The following IL1RAPL2 variants were observed in gnomAD, a reference collection of about 807,000 sequenced individuals.
IL1RAPL2 encodes interleukin 1 receptor accessory protein like 2.
Under a neutral mutation model 44.1 loss-of-function variants are expected in IL1RAPL2, and 3 were observed. The observed-to-expected ratio is 0.07, with a 90% confidence interval of 0.03 to 0.18. The LOEUF (loss-of-function observed/expected upper bound fraction) is 0.18, where lower values mean the gene tolerates loss of function less well. IL1RAPL2 is among the 10% of genes least tolerant of loss of function. The pLI is 1.00. For synonymous variants in IL1RAPL2, 181 were observed against 178.8 expected (o/e 1.01, Z -0.10); for missense variants, 391 against 496.4 (o/e 0.79, Z 2.02).
intron 5 of IL1RAPL2, among the ~76,000 whole-genome samples, chrX:105,348,001 G>A (rs1227748178): frequency 1.8e-5 from 2 of 111,778 alleles, no homozygotes; most frequent in East Asian, 2.8e-4. Context: ...CTCTTCATTA[G>A]TTTGACTCAT....
chrX:104,689,095 C>T (rs1431025518), intron 2 of IL1RAPL2, among the ~76,000 whole-genome samples: 1 of 111,665 alleles, frequency 9.0e-6, no homozygotes, highest in African/African-American at 3.3e-5. Flanking sequence ...ATCCAAAAAC[C>T]AACGTATAAG....
At chrX:105,272,026 G>A (rs1341300300) in intron 5 of IL1RAPL2, among the ~76,000 whole-genome samples, 4 of 106,115 alleles carry the variant, frequency 3.8e-5, no homozygotes, top group African/African-American at 6.9e-5. Flanking sequence ...GTAAACTATC[G>A]CAAGAACAAA....
rs777428370 is a variant in IL1RAPL2, at chrX:105,013,600, A to G, written c.83-181875A>G. ...GCTTGCTGGTATGGGTGAGGAAACT[A>G]AAGAGGCTTCTGGAGAGCAGTGCTC... On this transcript the variant is annotated intron_variant, in intron 2 of 10. Coordinates refer to ENST00000372582, the MANE Select transcript of IL1RAPL2 (RefSeq NM_017416.2). Among the ~76,000 whole-genome samples the G allele has an allele frequency of 3.4e-4, 38 of 110,498 alleles. No individual in the cohort carries two copies. The South Asian group carries it at 0.015, about 43-fold the overall frequency.
chrX:104,637,856 G>T (rs777597750), intron 1 of IL1RAPL2, among the ~76,000 whole-genome samples: 8 of 108,496 alleles, frequency 7.4e-5, no homozygotes, highest in African/African-American at 2.7e-4. Flanking sequence ...ATATGGTTTT[G>T]GTATCAGAGT....
intron 2 of IL1RAPL2, among the ~76,000 whole-genome samples, chrX:104,729,141 A>G (rs913226380): frequency 9.0e-6 from 1 of 111,679 alleles, no homozygotes; most frequent in African/African-American, 3.2e-5. Flanking sequence ...CAGGAAGGAG[A>G]AAAAAAGAAG....
intron 1 of IL1RAPL2, among the ~76,000 whole-genome samples, chrX:104,652,452 CTTTTA>C (rs1930170696): frequency 8.9e-6 from 1 of 111,766 alleles, no homozygotes; most frequent in African/African-American, 3.2e-5. Context: ...AGATTTTGTT[CTTTTA>C]TTCATTAAAA....
intron 3 of IL1RAPL2, among the ~76,000 whole-genome samples, chrX:105,198,102 C>A (rs1365463609): frequency 8.9e-6 from 1 of 111,762 alleles, no homozygotes; most frequent in Non-Finnish European, 1.9e-5. Flanking sequence ...GCATAGTATT[C>A]CATGGTGTAT....
intron 2 of IL1RAPL2, among the ~76,000 whole-genome samples, chrX:105,012,763 G>A (rs747963397): frequency 1.8e-5 from 2 of 109,766 alleles, no homozygotes; most frequent in South Asian, 3.9e-4. Flanking sequence ...AAGTTAGGTT[G>A]CAGCACTCAG....
At chrX:105,010,632 T>C (rs2031032913) in intron 2 of IL1RAPL2, among the ~76,000 whole-genome samples, 1 of 111,518 alleles carries the variant, frequency 9.0e-6, no homozygotes, top group South Asian at 3.7e-4. Context: ...TCTTATACCA[T>C]CATGAATGTT....
intron 3 of IL1RAPL2, chrX:105,220,199 A>G: frequency 8.3e-7 from 1 of 1,211,656 alleles, no homozygotes; most frequent in East Asian, 3.0e-5. Flanking sequence ...CCCCAGGTGC[A>G]GGCCTCTTTG....
intron 2 of IL1RAPL2, among the ~76,000 whole-genome samples, chrX:104,700,242 A>C (rs1372114728): frequency 8.9e-6 from 1 of 111,960 alleles, no homozygotes. Flanking sequence ...AAAAACAAAA[A>C]CAGTTAAAGA....
chrX:104,722,066 G>A (rs1931689889), intron 2 of IL1RAPL2, among the ~76,000 whole-genome samples: 1 of 110,829 alleles, frequency 9.0e-6, no homozygotes, highest in Admixed American at 9.7e-5. Flanking sequence ...CCCATTTTTA[G>A]TCCTATCTAC....
At chrX:105,130,455 A>G (rs2033016340) in intron 2 of IL1RAPL2, among the ~76,000 whole-genome samples, 1 of 111,048 alleles carries the variant, frequency 9.0e-6, no homozygotes, top group African/African-American at 3.3e-5. Flanking sequence ...TGGTGACCTT[A>G]TTATCCTGCT....
At chrX:105,632,573 T>A (rs1340971624) in intron 6 of IL1RAPL2, among the ~76,000 whole-genome samples, 1 of 111,726 alleles carries the variant, frequency 9.0e-6, no homozygotes, top group Non-Finnish European at 1.9e-5. Context: ...CTCTTCTCTT[T>A]TGCCCCCATA....
intron 2 of IL1RAPL2, among the ~76,000 whole-genome samples, chrX:105,100,891 A>C (rs2147560081): frequency 8.9e-6 from 1 of 112,593 alleles, no homozygotes; most frequent in South Asian, 3.7e-4. Flanking sequence ...AACTTGCTGA[A>C]GGATTAACAC....
intron 6 of IL1RAPL2, among the ~76,000 whole-genome samples, chrX:105,575,328 C>A (rs2037042791): frequency 9.0e-6 from 1 of 111,272 alleles, no homozygotes; most frequent in Non-Finnish European, 1.9e-5. Context: ...CTCCCTCCTC[C>A]CACCCTCCAC....
intron 9 of IL1RAPL2, among the ~76,000 whole-genome samples, chrX:105,750,290 T>C (rs1472450471): frequency 9.8e-6 from 1 of 101,570 alleles, no homozygotes; most frequent in Non-Finnish European, 2.0e-5. Flanking sequence ...TTTTTTTTTT[T>C]TTTGAGACAG....
intron 2 of IL1RAPL2, among the ~76,000 whole-genome samples, chrX:105,030,288 G>C (rs2031463647): frequency 9.0e-6 from 1 of 110,980 alleles, no homozygotes; most frequent in Non-Finnish European, 1.9e-5. Context: ...TGTTGCCATT[G>C]CTTTTGGTGT....
chrX:104,803,798 A>G (rs749740153), intron 2 of IL1RAPL2: 1 of 112,379 alleles, frequency 8.9e-6, no homozygotes, highest in South Asian at 3.7e-4. Context: ...CCTTGTTGCA[A>G]TCAGCAGTTT....
Sources: allele counts gnomAD v4.1 joint callset (sites outside exome capture counted in the v4.1 genomes callset), GRCh38; gene constraint gnomAD v4.1.1; transcripts MANE v1.5; gene names NCBI Gene and HGNC (gene_info 2026-07-23, HGNC 2026-07-21).